The following SLC35F4 variants were observed in gnomAD, a reference collection of about 807,000 sequenced individuals.
The protein encoded by SLC35F4 is chromosome 14 open reading frame 36.
Under a neutral mutation model 44.2 loss-of-function variants are expected in SLC35F4, and 24 were observed. The observed-to-expected ratio is 0.54, with a 90% confidence interval of 0.39 to 0.76. SLC35F4 has a LOEUF of 0.76. Among genes scored for constraint, SLC35F4 ranks in the 30% least tolerant of loss-of-function variants. The pLI, the probability that SLC35F4 is intolerant of heterozygous loss-of-function variation, is 0.00. For synonymous variants in SLC35F4, 238 were observed against 223.6 expected, an observed-to-expected ratio of 1.06 and a Z score of -0.57; for missense variants, 562 against 586.1, an observed-to-expected ratio of 0.96 and a Z score of 0.42.
chr14:57,867,611 C>CCA (rs373725458), upstream of SLC35F4, among the ~76,000 whole-genome samples: 1 of 151,462 alleles, frequency 6.6e-6, no homozygotes, highest in Non-Finnish European at 1.5e-5. Flanking sequence ...CACCCCCCCC[C>CCA]ACGTGAAATA....
At chr14:57,974,833 T>C, downstream of SLC35F4, among the ~76,000 whole-genome samples, 1 of 152,230 alleles carries the variant, frequency 6.6e-6, no homozygotes, top group East Asian at 1.9e-4. Flanking sequence ...GCCTGGCACA[T>C]AGTAAGTACC....
chr14:57,600,953 T>C (rs1310088256), intron 1 of SLC35F4, among the ~76,000 whole-genome samples: 1 of 151,888 alleles, frequency 6.6e-6, no homozygotes, highest in Non-Finnish European at 1.5e-5. Context: ...AAGGTTCAGC[T>C]TGGTGGATAG....
chr14:57,678,729 G>A (rs2074788485), intron 1 of SLC35F4, among the ~76,000 whole-genome samples: 1 of 151,420 alleles, frequency 6.6e-6, no homozygotes, highest in South Asian at 2.1e-4. Flanking sequence ...TGCAATCCTA[G>A]TCTCTGATAA....
At chr14:57,646,012 G>T (rs1318296822) in intron 1 of SLC35F4, among the ~76,000 whole-genome samples, 1 of 152,136 alleles carries the variant, frequency 6.6e-6, no homozygotes, top group Non-Finnish European at 1.5e-5. Flanking sequence ...ATGTGCTGCT[G>T]GATTCGGTTT....
At chr14:57,723,172 G>A (rs938207815) in intron 1 of SLC35F4, among the ~76,000 whole-genome samples, 2 of 152,114 alleles carry the variant, frequency 1.3e-5, no homozygotes, top group South Asian at 2.1e-4. Flanking sequence ...TTTTAGCTCA[G>A]GTCCAAATTA....
chr14:57,623,048 G>T (rs1461774609), intron 1 of SLC35F4, among the ~76,000 whole-genome samples: 1 of 152,080 alleles, frequency 6.6e-6, no homozygotes, highest in Non-Finnish European at 1.5e-5. Context: ...ACCCATCAGT[G>T]TGCTGTATTC....
rs199785589 is a variant in SLC35F4 at position 57,578,325 on chromosome 14, G to GTTTTTTTTTTTTTTTTTTTTTTTT, written c.807+2865_807+2888dup. On this transcript the variant is annotated intron_variant, in intron 4 of 7. Transcript: ENST00000556826. ...GATGACTGAAAGCATCCCTTTAACT[G>GTTTTTTTTTTTTTTTTTTTTTTTT]TTTTTTTTTTTTTTTTTTTTTTTTT... is the stretch of plus-strand genomic sequence containing the variant. 3.0e-4 allele frequency among the ~76,000 whole-genome samples: 13 copies of GTTTTTTTTTTTTTTTTTTTTTTTT among 43,166 alleles called. 4 individuals are homozygous for GTTTTTTTTTTTTTTTTTTTTTTTT. The highest frequency in any genetic ancestry group is 3.4e-4 in the Admixed American group (1 of 2,940). The allele number at this position is 43,166 out of a possible 152,430, so 28.3% of individuals were successfully genotyped here.
At chr14:57,582,863 G>C (rs774302128) in intron 3 of SLC35F4, among the ~76,000 whole-genome samples, 3 of 152,208 alleles carry the variant, frequency 2.0e-5, no homozygotes, top group Non-Finnish European at 4.4e-5. Flanking sequence ...GGACCACGTG[G>C]AGAGGAGGAG....
At chr14:57,850,834 C>A (rs1886493204) in intron 1 of SLC35F4, among the ~76,000 whole-genome samples, 1 of 152,202 alleles carries the variant, frequency 6.6e-6, no homozygotes, top group Non-Finnish European at 1.5e-5. Context: ...GAAACGGATT[C>A]ATCATTCTTT....
intron 1 of SLC35F4, among the ~76,000 whole-genome samples, chr14:57,674,180 C>A (rs954049357): frequency 2.6e-5 from 4 of 151,918 alleles, no homozygotes; most frequent in Non-Finnish European, 4.4e-5. Context: ...ACAATACCCA[C>A]CAGAATGGCT....
intron 1 of SLC35F4, among the ~76,000 whole-genome samples, chr14:57,645,819 G>T (rs2073480107): frequency 6.6e-6 from 1 of 151,512 alleles, no homozygotes; most frequent in Admixed American, 6.6e-5. Flanking sequence ...TTTATTGAGA[G>T]TTTTTAGCAT....
chr14:57,962,750 A>C (rs1017150419), intron 1 of SLC35F4, among the ~76,000 whole-genome samples: 1 of 152,220 alleles, frequency 6.6e-6, no homozygotes, highest in African/African-American at 2.4e-5. Flanking sequence ...AATTTTGTAA[A>C]GGAGAATTTT....
intron 1 of SLC35F4, among the ~76,000 whole-genome samples, chr14:57,790,720 C>T (rs2140801545): frequency 6.6e-6 from 1 of 152,250 alleles, no homozygotes; most frequent in South Asian, 2.1e-4. Flanking sequence ...CATCACACTA[C>T]CTGACTTCAA....
chr14:57,887,120 T>A (rs1888667295), intron 1 of SLC35F4, among the ~76,000 whole-genome samples: 1 of 152,146 alleles, frequency 6.6e-6, no homozygotes, highest in Admixed American at 6.5e-5. Context: ...GTGAAAGAAA[T>A]CATCTTTTCC....
At chr14:57,839,828 T>C (rs1337047321) in intron 1 of SLC35F4, among the ~76,000 whole-genome samples, 1 of 152,162 alleles carries the variant, frequency 6.6e-6, no homozygotes, top group African/African-American at 2.4e-5. Flanking sequence ...CCCAGGCATC[T>C]GTATTTTTTA....
At chr14:57,766,937 G>A (rs1352538853) in intron 1 of SLC35F4, among the ~76,000 whole-genome samples, 5 of 152,002 alleles carry the variant, frequency 3.3e-5, no homozygotes, top group Admixed American at 6.6e-5. Flanking sequence ...AATTCACTTC[G>A]AATTCTACAA....
At chr14:57,859,967 T>C (rs1810297124) in intron 1 of SLC35F4, among the ~76,000 whole-genome samples, 1 of 152,176 alleles carries the variant, frequency 6.6e-6, no homozygotes, top group Non-Finnish European at 1.5e-5. Context: ...TCAGGTAGAA[T>C]GTTCGAAGGA....
At chr14:57,891,317 T>C (rs933384557) in intron 1 of SLC35F4, among the ~76,000 whole-genome samples, 8 of 152,166 alleles carry the variant, frequency 5.3e-5, no homozygotes, top group African/African-American at 1.9e-4. Context: ...GTTACAACAC[T>C]GCAGAACTAG....
chr14:57,572,514 G>GGC (rs1269177572), intron 4 of SLC35F4, among the ~76,000 whole-genome samples: 2 of 151,092 alleles, frequency 1.3e-5, no homozygotes, highest in African/African-American at 4.9e-5. Flanking sequence ...ACAGCTAAGA[G>GGC]GCAAACTTCA....
Sources: gnomAD v4.1 joint callset for allele counts (sites outside exome capture counted in the v4.1 genomes callset) on GRCh38, gnomAD v4.1.1 for gene constraint, MANE v1.5 for transcripts, NCBI Gene and HGNC (gene_info 2026-07-23, HGNC 2026-07-21) for gene names.